Variants in NCAPD2 observed in about 807,000 individuals in gnomAD.
NCAPD2 encodes condensin complex subunit 1.
NCAPD2 carries 100 observed loss-of-function variants against 164.5 expected under a neutral mutation model. The ratio of observed to expected loss-of-function variants is 0.61; its 90% CI spans 0.52 to 0.72. The LOEUF (loss-of-function observed/expected upper bound fraction) is 0.72. Ranked by LOEUF, NCAPD2 falls within the 30% of genes least tolerant of loss-of-function variation. The probability of loss-of-function intolerance (pLI) is 0.00; values close to 1 mark genes in which losing one functional copy is unlikely to be tolerated. For missense variants in NCAPD2, 1,560 were observed against 1,749.2 expected, an observed-to-expected ratio of 0.89 and a Z score of 1.93; for synonymous variants, 585 against 642.6, an observed-to-expected ratio of 0.91 and a Z score of 1.36.
intron 27 of NCAPD2, 197 bp downstream of exon 27, chr12:6,529,236 C>T (rs546736608): frequency 1.3e-4 from 82 of 618,906 alleles, no homozygotes; most frequent in Non-Finnish European, 2.1e-4. Flanking sequence ...ATATTAAATA[C>T]GATAAAGTTC....
rs1946338695 is a variant in NCAPD2, at chr12:6,528,527, C to A, written c.3300-152C>A. The A allele has an allele frequency of 9.6e-6, 11 of 1,143,788 alleles. No homozygotes were observed. The highest frequency in any genetic ancestry group is 2.4e-5 in the East Asian group (1 of 41,286). The allele number at this position is 1,143,788 out of a possible 1,614,324, so 70.9% of individuals were successfully genotyped here. A position where few individuals can be genotyped will look rare whatever the true frequency, so the allele number is the denominator to read the frequency against. On this transcript the variant is annotated intron_variant, in intron 25 of 31. Coordinates refer to ENST00000315579, the MANE Select transcript of NCAPD2 (RefSeq NM_014865.4). This position sits in a 1 kb window ranked among gnomAD's most constrained non-coding sequence, Gnocchi z 5.1. The stretch of plus-strand genomic sequence containing the variant: ...TTCTGGTTAGAAGCTTCACCTCTTT[C>A]CCCCACTCCAGCTTTCAACTCTAGA...
chr12:6,525,734 C>A lies in NCAPD2; in HGVS notation c.2348+18C>A. 6.2e-7 allele frequency: 1 copy of A among 1,611,334 alleles called. No individual in the cohort carries two copies. The highest frequency in any genetic ancestry group is 1.1e-5 in the South Asian group (1 of 91,016). ...ATGGCACGGTGAGGCTCAAATCTAGCAGGCAATGGGGTGGGAGAGCAAAGG... is the reference window on the plus strand; with the variant it reads ...ATGGCACGGTGAGGCTCAAATCTAGAAGGCAATGGGGTGGGAGAGCAAAGG... On this transcript the variant is annotated intron_variant, in intron 18 of 31. Coordinates refer to ENST00000315579, the MANE Select transcript of NCAPD2 (RefSeq NM_014865.4).
chr12:6,530,483 T>G (rs1230060671), intron 29 of NCAPD2, among the ~76,000 whole-genome samples: 1 of 152,172 alleles, frequency 6.6e-6, no homozygotes, highest in Non-Finnish European at 1.5e-5. Flanking sequence ...TATTTATCCC[T>G]CTCTCCCCAC....
At chr12:6,518,905 A>G (rs923952847) in intron 13 of NCAPD2, among the ~76,000 whole-genome samples, 1 of 149,024 alleles carries the variant, frequency 6.7e-6, no homozygotes, top group African/African-American at 2.5e-5. Context: ...TTTTTTTTGG[A>G]GACGGAGTCT....
rs774947984 is a variant in NCAPD2 at position 6,510,348 on chromosome 12, A to G, written c.262+215A>G. 7.7e-6 allele frequency: 6 copies of G among 783,090 alleles called. No homozygotes were observed. In the South Asian group the frequency reaches 8.1e-5, roughly 11 times the overall value. 48.5% of individuals were successfully genotyped at this position (783,090 alleles called of 1,614,324 possible). ...TTATGTGTGTTCACTGTAAGGGCAG[A>G]CCAACAAGAACTTTTTCCTACTTTT... is the stretch of plus-strand genomic sequence containing the variant. On this transcript the variant is annotated intron_variant, in intron 4 of 31. Transcript: ENST00000315579.
At chr12:6,523,642 C>A (rs924482747) in intron 17 of NCAPD2, among the ~76,000 whole-genome samples, 1 of 152,156 alleles carries the variant, frequency 6.6e-6, no homozygotes, top group Non-Finnish European at 1.5e-5. Context: ...CGTGATCCAC[C>A]CGCCTCAACC....
intron 2 of NCAPD2, among the ~76,000 whole-genome samples, chr12:6,509,368 TCTC>T (rs1313016555): frequency 2.6e-5 from 4 of 152,118 alleles, no homozygotes; most frequent in Non-Finnish European, 5.9e-5. Flanking sequence ...TTCAAGCAAT[TCTC>T]CTGCCTCAGC....
Position 6,513,232 on chromosome 12 carries a change from T to C in NCAPD2, c.588-1033T>C, listed in dbSNP as rs190966317. On this transcript the variant is annotated intron_variant, in intron 6 of 31. Coordinates refer to ENST00000315579, the MANE Select transcript of NCAPD2 (RefSeq NM_014865.4). ...AGCAGGAATCCAAGGACTGGTACCC[T>C]AGGGCACTCCAGCATTAAGAGTGAG... Among the ~76,000 whole-genome samples, 262 of 152,250 alleles carry C rather than the reference T, an allele frequency of 1.7e-3. 7 individuals carry two copies. The South Asian group carries it at 0.039, about 23-fold the overall frequency.
At chr12:6,499,463 C>G (rs931253104) in intron 2 of NCAPD2, among the ~76,000 whole-genome samples, 7 of 152,284 alleles carry the variant, frequency 4.6e-5, no homozygotes, top group African/African-American at 1.7e-4. Flanking sequence ...TATCGGCTCA[C>G]TGCACCCTCC....
At chr12:6,500,020 G>T (rs1209703977) in intron 2 of NCAPD2, among the ~76,000 whole-genome samples, 1 of 152,150 alleles carries the variant, frequency 6.6e-6, no homozygotes, top group Non-Finnish European at 1.5e-5. Flanking sequence ...CTACTTGGGA[G>T]GCTGGGGTGG....
At chr12:6,500,383 A>G (rs912793368) in intron 2 of NCAPD2, among the ~76,000 whole-genome samples, 1 of 152,248 alleles carries the variant, frequency 6.6e-6, no homozygotes, top group African/African-American at 2.4e-5. Context: ...GTAAGGAAAT[A>G]AACTATGCAG....
intron 17 of NCAPD2, among the ~76,000 whole-genome samples, chr12:6,523,587 C>T (rs769882213): frequency 1.3e-5 from 2 of 151,974 alleles, no homozygotes; most frequent in Non-Finnish European, 2.9e-5. Context: ...TTAGTAGAGA[C>T]GGGGTTTCAC....
intron 16 of NCAPD2, 80 bp downstream of exon 16, chr12:6,523,082 G>A: frequency 3.9e-6 from 6 of 1,547,600 alleles, no homozygotes; most frequent in Non-Finnish European, 5.3e-6. Context: ...TAAAGGAAGA[G>A]GTGCATTTCT....
chr12:6,522,760 G>A, intron 15 of NCAPD2, 68 bp from the exon 16 acceptor site: 1 of 1,545,116 alleles, frequency 6.5e-7, no homozygotes, highest in Non-Finnish European at 8.8e-7. Context: ...CATTCAGAAA[G>A]GTTCTGTCGT....
intron 27 of NCAPD2, chr12:6,529,270 T>C: frequency 3.3e-6 from 2 of 611,814 alleles, no homozygotes; most frequent in Non-Finnish European, 5.8e-6. Context: ...AGACATACAG[T>C]AGCACTCACT....
intron 2 of NCAPD2, among the ~76,000 whole-genome samples, chr12:6,503,356 G>A (rs540735538): frequency 6.6e-6 from 1 of 152,198 alleles, no homozygotes; most frequent in Non-Finnish European, 1.5e-5. Flanking sequence ...CTGGAGACTG[G>A]GAAGTCCCAA....
chr12:6,513,489 TG>T (rs1176321564), intron 6 of NCAPD2, among the ~76,000 whole-genome samples: 1 of 152,040 alleles, frequency 6.6e-6, no homozygotes, highest in Non-Finnish European at 1.5e-5. Context: ...CACTCCAGCC[TG>T]GGCAACAGAG....
At chr12:6,496,283 C>T (rs1330707410) in intron 2 of NCAPD2, among the ~76,000 whole-genome samples, 1 of 152,106 alleles carries the variant, frequency 6.6e-6, no homozygotes, top group African/African-American at 2.4e-5. Context: ...TGGTCTTGAA[C>T]TCCTGACCTC....
chr12:6,517,513 G>T lies in NCAPD2; in HGVS notation c.1320+14G>T. 6 of 1,614,172 alleles carry T rather than the reference G, an allele frequency of 3.7e-6. No homozygotes were observed. The highest frequency in any genetic ancestry group is 5.1e-6 in the Non-Finnish European group (6 of 1,180,030). ...TTCTCCTGCAAGGTAAGTAGACTTG[G>T]TCCACCAAAAGAGAAGGAATTAAAT... On this transcript the variant is annotated intron_variant, in intron 11 of 31. Transcript: ENST00000315579.
Sources: gnomAD v4.1 joint callset for allele counts (sites outside exome capture counted in the v4.1 genomes callset) on GRCh38, gnomAD v4.1.1 for gene constraint, Gnocchi (gnomAD v3.1) non-coding constraint, MANE v1.5 for transcripts, NCBI Gene and HGNC (gene_info 2026-07-23, HGNC 2026-07-21) for gene names.